The following SPAG16 variants were observed in gnomAD, a reference collection of about 807,000 sequenced individuals.
SPAG16 encodes the protein sperm associated antigen 16, also known as sperm-associated antigen 16 protein.
Under a neutral mutation model 80.4 loss-of-function variants are expected in SPAG16, and 86 were observed. The observed-to-expected ratio is 1.07, with a 90% CI of 0.90 to 1.28. The LOEUF is 1.28. Ranked by LOEUF, SPAG16 falls within the 50% of genes most tolerant of loss-of-function variation. The pLI is 0.00. For missense variants in SPAG16, 870 were observed against 765.3 expected (o/e 1.14, Z -1.61); for synonymous variants, 294 against 265.9 (o/e 1.11, Z -1.03).
chr2:213,748,848 C>G (rs1333871283), intron 10 of SPAG16, among the ~76,000 whole-genome samples: 1 of 152,016 alleles, frequency 6.6e-6, no homozygotes, highest in South Asian at 2.1e-4. Flanking sequence ...CATTCTTTAC[C>G]TGTTAAAAAG....
In SPAG16 at chr2:213,467,572, A is replaced by G. The variant is rs138940147; in HGVS notation, c.943-22391A>G. ...TGCTAAGGGAGGAGGGGAGGCCTGG[A>G]CTGGAGAGGAGAACAGAAATGGCTG... On this transcript the variant is annotated intron_variant, in intron 9 of 15. Coordinates refer to ENST00000331683, the MANE Select transcript of SPAG16 (RefSeq NM_024532.5). Among the ~76,000 whole-genome samples, 1,414 of 152,284 alleles carry G rather than the reference A, an allele frequency of 9.3e-3. 8 individuals carry two copies. Among genetic ancestry groups the G allele is most frequent in the Non-Finnish European group, 0.015 (997 of 68,004 alleles).
At chr2:213,634,825 T>C (rs1295608359) in intron 10 of SPAG16, among the ~76,000 whole-genome samples, 1 of 151,996 alleles carries the variant, frequency 6.6e-6, no homozygotes, top group Non-Finnish European at 1.5e-5. Context: ...ATACCTTACC[T>C]CCCACTTATA....
chr2:213,396,281 A>G (rs931216168), intron 9 of SPAG16, among the ~76,000 whole-genome samples: 25 of 152,274 alleles, frequency 1.6e-4, no homozygotes, highest in Admixed American at 1.5e-3. Flanking sequence ...TAATATGGAG[A>G]TTCTAGCATC....
At chr2:214,406,551 G>C (rs567281903) in intron 15 of SPAG16, among the ~76,000 whole-genome samples, 1 of 152,006 alleles carries the variant, frequency 6.6e-6, no homozygotes, top group South Asian at 2.1e-4. Context: ...AATTGAAACT[G>C]TTATGCCTAA....
intron 10 of SPAG16, among the ~76,000 whole-genome samples, chr2:213,769,095 A>G (rs189537463): frequency 3.9e-5 from 6 of 152,354 alleles, no homozygotes; most frequent in African/African-American, 1.4e-4. Context: ...TTAGCATTAA[A>G]GAAGTATTGG....
At chr2:213,749,137 A>T (rs1224347161) in intron 10 of SPAG16, among the ~76,000 whole-genome samples, 2 of 152,108 alleles carry the variant, frequency 1.3e-5, no homozygotes, top group South Asian at 4.1e-4. Context: ...ACAGAGTGAG[A>T]CTCTCAGAAA....
rs1491221755 is a variant in SPAG16, at chr2:213,833,577, A to AC, written c.1071-28908_1071-28907insC. Among the ~76,000 whole-genome samples the AC allele has an allele frequency of 3.0e-4, 2 of 6,562 alleles. 1 individual carries two copies. Among genetic ancestry groups the AC allele is most frequent in the African/African-American group, 6.9e-4 (2 of 2,912 alleles). The allele number at this position is 6,562 out of a possible 152,430, so 4.3% of individuals were successfully genotyped here. A position where few individuals can be genotyped will look rare whatever the true frequency, so the allele number is the denominator to read the frequency against. ...TATATAATATATATAATATATATAT[A>AC]ATATATATATTATATATATATAAAA... On this transcript the variant is annotated intron_variant, in intron 10 of 15. Coordinates refer to ENST00000331683, the MANE Select transcript of SPAG16 (RefSeq NM_024532.5).
chr2:213,531,102 A>G (rs1004028433), intron 10 of SPAG16, among the ~76,000 whole-genome samples: 13 of 151,932 alleles, frequency 8.6e-5, no homozygotes, highest in African/African-American at 2.9e-4. Context: ...ATTCATATTT[A>G]GCAATGTGGG....
chr2:214,302,737 C>T (rs955447128), intron 15 of SPAG16, among the ~76,000 whole-genome samples: 1 of 152,184 alleles, frequency 6.6e-6, no homozygotes, highest in Non-Finnish European at 1.5e-5. Flanking sequence ...CCTGCCTCAG[C>T]CTCCCGAAGT....
At chr2:214,134,043 G>A (rs1559831746) in intron 14 of SPAG16, among the ~76,000 whole-genome samples, 1 of 152,186 alleles carries the variant, frequency 6.6e-6, no homozygotes, top group East Asian at 1.9e-4. Flanking sequence ...AGATTCAAGA[G>A]TCATAAACAT....
chr2:213,536,541 T>A lies in SPAG16; in HGVS notation c.1070+46451T>A, dbSNP rs369948986. On this transcript the variant is annotated intron_variant, in intron 10 of 15. Coordinates refer to ENST00000331683, the MANE Select transcript of SPAG16 (RefSeq NM_024532.5). The stretch of plus-strand genomic sequence containing the variant: ...CCATTCTAACTGGTGTCAGATGGTA[T>A]CTCATTGTGGTTTTGATTTGCATTT... Among the ~76,000 whole-genome samples, 212 of 152,312 alleles carry A rather than the reference T, an allele frequency of 1.4e-3. 2 individuals carry two copies. The highest frequency in any genetic ancestry group is 4.6e-3 in the African/African-American group (192 of 41,580).
At chr2:213,477,861 G>A (rs908594331) in intron 9 of SPAG16, among the ~76,000 whole-genome samples, 1 of 152,060 alleles carries the variant, frequency 6.6e-6, no homozygotes, top group Non-Finnish European at 1.5e-5. Context: ...GGGGCCAGGG[G>A]CAGAATGATA....
chr2:213,510,945 G>C (rs1169614091), intron 10 of SPAG16, among the ~76,000 whole-genome samples: 1 of 151,998 alleles, frequency 6.6e-6, no homozygotes, highest in Admixed American at 6.6e-5. Context: ...TGTTTAAACT[G>C]CCATATAAGT....
chr2:214,179,243 C>A (rs2057231784), intron 15 of SPAG16, among the ~76,000 whole-genome samples: 1 of 151,228 alleles, frequency 6.6e-6, no homozygotes, highest in Non-Finnish European at 1.5e-5. Flanking sequence ...TTTTTTATAG[C>A]CTGCATTGTT....
chr2:214,094,509 G>C (rs897655263), intron 13 of SPAG16, among the ~76,000 whole-genome samples: 1 of 151,994 alleles, frequency 6.6e-6, no homozygotes, highest in South Asian at 2.1e-4. Flanking sequence ...CAAGCTTTCT[G>C]CTTGGTTCTT....
intron 10 of SPAG16, among the ~76,000 whole-genome samples, chr2:213,843,289 T>A (rs541732234): frequency 6.6e-6 from 1 of 152,196 alleles, no homozygotes; most frequent in Non-Finnish European, 1.5e-5. Flanking sequence ...TAATGTTTCA[T>A]ATAGTTTGAG....
At chr2:213,291,219 A>T (rs543662034) in intron 1 of SPAG16, among the ~76,000 whole-genome samples, 1 of 152,272 alleles carries the variant, frequency 6.6e-6, no homozygotes, top group African/African-American at 2.4e-5. Context: ...TTCCACATTC[A>T]TTAATTGTTA....
intron 15 of SPAG16, among the ~76,000 whole-genome samples, chr2:214,272,165 C>T (rs1331342978): frequency 4.6e-5 from 7 of 151,960 alleles, no homozygotes; most frequent in Admixed American, 4.6e-4. Context: ...TACCAATTTT[C>T]CTTTTTAACA....
intron 10 of SPAG16, among the ~76,000 whole-genome samples, chr2:213,543,182 C>G (rs1358016203): frequency 6.6e-6 from 1 of 151,978 alleles, no homozygotes; most frequent in Non-Finnish European, 1.5e-5. Flanking sequence ...AAGAAGAAAT[C>G]GATGAGCTAA....
Sources: allele counts gnomAD v4.1 joint callset (sites outside exome capture counted in the v4.1 genomes callset), GRCh38; gene constraint gnomAD v4.1.1; transcripts MANE v1.5; gene names NCBI Gene and HGNC (gene_info 2026-07-23, HGNC 2026-07-21).